NUP58: variants seen among roughly 807,000 people sequenced by gnomAD.
NUP58 encodes nucleoporin 58, also known as nucleoporin p58/p45.
A neutral mutation model predicts 70.1 loss-of-function variants in NUP58; 17 were observed. The observed-to-expected ratio is 0.24, with a 90% confidence interval of 0.17 to 0.36. NUP58 has a LOEUF of 0.36. Among genes scored for constraint, NUP58 ranks in the 10% least tolerant of loss-of-function variants. The pLI, the probability that NUP58 is intolerant of heterozygous loss-of-function variation, is 1.00. For missense variants in NUP58, 644 were observed against 701.5 expected (o/e 0.92, Z 0.93); for synonymous variants, 275 against 257.6 (o/e 1.07, Z -0.65).
At chr13:25,331,773 A>G in intron 13 of NUP58, 2 of 1,388,320 alleles carry the variant, frequency 1.4e-6, no homozygotes, top group Non-Finnish European at 1.9e-6. Context: ...GATATTGAAT[A>G]TTGTGAATCT....
chr13:25,308,714 G>A (rs2030505546), intron 2 of NUP58, among the ~76,000 whole-genome samples: 1 of 152,138 alleles, frequency 6.6e-6, no homozygotes, highest in African/African-American at 2.4e-5. Context: ...ACAATAGAAA[G>A]TTTTTGTTTT....
chr13:25,313,573 A>G (rs772872880), intron 4 of NUP58, 41 bp from the exon 5 acceptor site: 1 of 1,418,128 alleles, frequency 7.1e-7, no homozygotes. Flanking sequence ...GTGCTGTTAA[A>G]TAAGTTGCCT....
At chr13:25,313,058 A>G in intron 4 of NUP58, 26 bp downstream of exon 4, 7 of 1,604,316 alleles carry the variant, frequency 4.4e-6, no homozygotes, top group Non-Finnish European at 5.9e-6. Context: ...AAACCGTTGC[A>G]TTTAATGGTT....
intron 3 of NUP58, among the ~76,000 whole-genome samples, chr13:25,312,601 C>T (rs1192837569): frequency 6.6e-6 from 1 of 152,206 alleles, no homozygotes. Context: ...CTCCTGACCT[C>T]AAGCAATCTG....
At chr13:25,339,675 T>G (rs2031896599) in intron 15 of NUP58, among the ~76,000 whole-genome samples, 1 of 152,194 alleles carries the variant, frequency 6.6e-6, no homozygotes, top group Non-Finnish European at 1.5e-5. Flanking sequence ...TTGACATATT[T>G]AATTAACAGG....
At chr13:25,307,329 C>T (rs1366671525) in intron 1 of NUP58, among the ~76,000 whole-genome samples, 1 of 151,186 alleles carries the variant, frequency 6.6e-6, no homozygotes, top group Non-Finnish European at 1.5e-5. Flanking sequence ...TCTCCTGCCT[C>T]AGCCTCCTGA....
At chr13:25,348,337 T>C (rs2032073037) in intron 3 of NUP58, among the ~76,000 whole-genome samples, 1 of 152,222 alleles carries the variant, frequency 6.6e-6, no homozygotes, top group Non-Finnish European at 1.5e-5. Flanking sequence ...GAAGACAGTA[T>C]GAAAAATGCC....
intron 6 of NUP58, among the ~76,000 whole-genome samples, chr13:25,318,410 C>T (rs1417905093): frequency 6.6e-6 from 1 of 152,018 alleles, no homozygotes; most frequent in Non-Finnish European, 1.5e-5. Flanking sequence ...AAGCAGTCTG[C>T]CCAAAATGCT....
chr13:25,326,263 A>C (rs1345603817), intron 10 of NUP58, among the ~76,000 whole-genome samples: 1 of 151,994 alleles, frequency 6.6e-6, no homozygotes, highest in Non-Finnish European at 1.5e-5. Flanking sequence ...CTAATTTTGC[A>C]AAATGCATTC....
Position 25,341,441 on chromosome 13 carries a change from T to A in NUP58, c.*1307T>A, listed in dbSNP as rs897024848. The stretch of plus-strand genomic sequence containing the variant: ...CTAGCTATTCCAATACAGAGTTCTT[T>A]CTTATAGGGCTATTGATATTGACAC... On this transcript the variant is annotated 3_prime_UTR_variant, in exon 16 of 16. Transcript: ENST00000381736. 2 of 152,618 alleles carry A rather than the reference T, an allele frequency of 1.3e-5. No homozygotes were observed. Among genetic ancestry groups the A allele is most frequent in the Non-Finnish European group, 2.9e-5 (2 of 68,038 alleles). 9.5% of individuals were successfully genotyped at this position (152,618 alleles called of 1,614,324 possible). A position where few individuals can be genotyped will look rare whatever the true frequency, so the allele number is the denominator to read the frequency against.
downstream of NUP58, among the ~76,000 whole-genome samples, chr13:25,347,272 A>G (rs1459021116): frequency 4.6e-5 from 7 of 152,176 alleles, no homozygotes; most frequent in Admixed American, 4.6e-4. Flanking sequence ...GGAAGAAGGA[A>G]TGAGTGAAGA....
chr13:25,301,798 T>G lies in NUP58; in HGVS notation c.25T>G (p.Ser9Ala). 6.2e-7 allele frequency: 1 copy of G among 1,613,392 alleles called. No homozygotes were observed. The highest frequency in any genetic ancestry group is 8.5e-7 in the Non-Finnish European group (1 of 1,179,768). Residue 9 changes from serine to alanine, a missense_variant, in exon 1 of 16, where the codon TCC becomes GCC. Physicochemically the swap from Ser to Ala is moderately conservative, Grantham distance 99 (BLOSUM62 1). Around this residue, in one of 4 missense-constraint regions of NUP58, gnomAD observed 430 missense variants for 409.2 expected, o/e 1.05. Coordinates refer to ENST00000381736, the MANE Select transcript of NUP58 (RefSeq NM_014089.4). The part of the protein sequence containing the change: MSTGFSFG[S>A]GTLGSTTVAA... ...CATGTCCACAGGGTTCTCCTTCGGGTCCGGGACTCTGGGCTCCACCACCGT... is the reference window on the plus strand; with the variant it reads ...CATGTCCACAGGGTTCTCCTTCGGGGCCGGGACTCTGGGCTCCACCACCGT...
At chr13:25,339,851 C>G in intron 15 of NUP58, 114 bp from the exon 16 acceptor site, 1 of 887,306 alleles carries the variant, frequency 1.1e-6, no homozygotes, top group Non-Finnish European at 1.7e-6. Context: ...AATATATTTG[C>G]TATTCTTACA....
At chr13:25,339,843 T>A in intron 15 of NUP58, 122 bp from the exon 16 acceptor site, 1 of 830,408 alleles carries the variant, frequency 1.2e-6, no homozygotes, top group Non-Finnish European at 1.9e-6. Context: ...AGGGCTTTAA[T>A]ATATTTGCTA....
rs538879965 is a variant in NUP58, at chr13:25,327,144, C to A, written c.1150+110C>A. 123 of 634,934 alleles carry A rather than the reference C, an allele frequency of 1.9e-4. 3 individuals carry two copies. The South Asian group carries it at 2.9e-3, about 15-fold the overall frequency. The allele number at this position is 634,934 out of a possible 1,614,324, so 39.3% of individuals were successfully genotyped here. ...ACTGGTAGCCCCTTTAAGAAAATTT[C>A]CTTAAAAGTCATTTACTACTCCTTT... On this transcript the variant is annotated intron_variant, in intron 11 of 15. Transcript: ENST00000381736.
chr13:25,343,873 C>T (rs1250037607), downstream of NUP58, among the ~76,000 whole-genome samples: 2 of 97,722 alleles, frequency 2.0e-5, no homozygotes, highest in Non-Finnish European at 4.1e-5. Flanking sequence ...ACACACACAC[C>T]CCACACCAAC....
Position 25,320,911 on chromosome 13 carries a change from T to A in NUP58, c.777-8T>A, listed in dbSNP as rs746062788. On this transcript the variant is annotated splice_region_variant and splice_polypyrimidine_tract_variant and intron_variant, in intron 8 of 15. Transcript: ENST00000381736. ...TTTTTAAAACTCAGTTTTAAATATA[T>A]TTTTTAGGAAATTTGTGAAGGAGCA... 1.3e-6 allele frequency: 2 copies of A among 1,523,842 alleles called. No individual in the cohort carries two copies. The highest frequency in any genetic ancestry group is 1.8e-6 in the Non-Finnish European group (2 of 1,135,808). The allele number at this position is 1,523,842 out of a possible 1,614,324, so 94.4% of individuals were successfully genotyped here. A position where few individuals can be genotyped will look rare whatever the true frequency, so the allele number is the denominator to read the frequency against.
chr13:25,315,236 G>A, intron 5 of NUP58, 121 bp from the exon 6 acceptor site: 1 of 738,410 alleles, frequency 1.4e-6, no homozygotes, highest in Non-Finnish European at 2.3e-6. Context: ...CTTGTTGTTT[G>A]CCTAAATCAA....
At chr13:25,322,852 A>C (rs1304663566) in intron 9 of NUP58, among the ~76,000 whole-genome samples, 2 of 152,182 alleles carry the variant, frequency 1.3e-5, no homozygotes, top group African/African-American at 4.8e-5. Flanking sequence ...GAAAGAGTTA[A>C]TTATGTTTTT....
Sources: gnomAD v4.1 joint callset for allele counts (sites outside exome capture counted in the v4.1 genomes callset) on GRCh38, gnomAD v4.1.1 for gene constraint, gnomAD v4.1.1 regional missense constraint, MANE v1.5 for transcripts, NCBI Gene and HGNC (gene_info 2026-07-23, HGNC 2026-07-21) for gene names.